The following FGD4 variants were observed in gnomAD, a reference collection of about 807,000 sequenced individuals.
The protein encoded by FGD4 is FYVE, RhoGEF and PH domain-containing protein 4.
A neutral mutation model predicts 102.0 loss-of-function variants in FGD4; 42 were observed. That is an observed-to-expected ratio of 0.41 (90% CI 0.32 to 0.53). The LOEUF is 0.53. Ranked by LOEUF, FGD4 falls within the 20% of genes least tolerant of loss-of-function variation. The pLI is 0.21. For missense variants in FGD4, 902 were observed against 1,078.2 expected, an observed-to-expected ratio of 0.84 and a Z score of 2.29; for synonymous variants, 380 against 375.7, an observed-to-expected ratio of 1.01 and a Z score of -0.13.
chr12:32,496,221 A>AT (rs1253845591), intron 1 of FGD4, among the ~76,000 whole-genome samples: 1 of 152,168 alleles, frequency 6.6e-6, no homozygotes, highest in Non-Finnish European at 1.5e-5. Context: ...CCTTTAGGAT[A>AT]TTTTTTGAGC....
intron 5 of FGD4, among the ~76,000 whole-genome samples, 192 bp downstream of exon 5, chr12:32,598,778 G>A (rs1183228422): frequency 2.0e-5 from 3 of 152,216 alleles, no homozygotes; most frequent in African/African-American, 7.2e-5. Context: ...TTTCTAATTT[G>A]TAAAGAGTAG....
At chr12:32,528,249 T>C (rs1029572265) in intron 1 of FGD4, among the ~76,000 whole-genome samples, 1 of 152,196 alleles carries the variant, frequency 6.6e-6, no homozygotes, top group African/African-American at 2.4e-5. Flanking sequence ...TAAAGTTTCT[T>C]CTTAACAGTA....
chr12:32,563,773 C>T (rs1005722014), intron 1 of FGD4, among the ~76,000 whole-genome samples: 23 of 152,294 alleles, frequency 1.5e-4, no homozygotes, highest in Non-Finnish European at 2.8e-4. Flanking sequence ...CCGAGGCTGG[C>T]GGATCACTCG....
chr12:32,534,460 T>C (rs945208288), intron 1 of FGD4: 52 of 1,524,750 alleles, frequency 3.4e-5, no homozygotes, highest in Non-Finnish European at 4.6e-5. Context: ...CAGAGTAGAT[T>C]AATTATCAGT....
chr12:32,623,150 A>G (rs1949946431), intron 11 of FGD4, among the ~76,000 whole-genome samples: 1 of 152,278 alleles, frequency 6.6e-6, no homozygotes, highest in South Asian at 2.1e-4. Context: ...ACAGAATACT[A>G]TTATGGTTGT....
intron 7 of FGD4, among the ~76,000 whole-genome samples, chr12:32,603,999 C>T (rs781402193): frequency 7.9e-5 from 12 of 152,158 alleles, no homozygotes; most frequent in Non-Finnish European, 1.3e-4. Flanking sequence ...ATATGGAGAT[C>T]CCCCCCAGCA....
intron 1 of FGD4, among the ~76,000 whole-genome samples, chr12:32,417,416 C>T (rs1813475150): frequency 6.6e-6 from 1 of 151,934 alleles, no homozygotes; most frequent in Admixed American, 6.6e-5. Context: ...GTAAGGTTTC[C>T]ACTGAAAAGT....
intron 1 of FGD4, among the ~76,000 whole-genome samples, chr12:32,420,874 A>G (rs1233527162): frequency 6.6e-6 from 1 of 152,164 alleles, no homozygotes; most frequent in Non-Finnish European, 1.5e-5. Context: ...TTTTGGTTCA[A>G]TGTAATAATT....
At chr12:32,454,220 A>G (rs1206695183) in intron 1 of FGD4, among the ~76,000 whole-genome samples, 1 of 152,198 alleles carries the variant, frequency 6.6e-6, no homozygotes, top group Non-Finnish European at 1.5e-5. Context: ...TAACATTCAC[A>G]CTGGATGAGT....
chr12:32,487,285 A>G (rs2136563037), intron 1 of FGD4, among the ~76,000 whole-genome samples: 1 of 152,340 alleles, frequency 6.6e-6, no homozygotes, highest in East Asian at 1.9e-4. Flanking sequence ...TGTAAGCACA[A>G]ACATTGAATT....
At chr12:32,545,371 A>G (rs1427654616) in intron 1 of FGD4, among the ~76,000 whole-genome samples, 1 of 152,222 alleles carries the variant, frequency 6.6e-6, no homozygotes, top group Non-Finnish European at 1.5e-5. Flanking sequence ...TGGGGACACA[A>G]CCAAAACTGG....
At chr12:32,618,700 G>A (rs1056462619) in intron 10 of FGD4, among the ~76,000 whole-genome samples, 3 of 152,080 alleles carry the variant, frequency 2.0e-5, no homozygotes, top group Non-Finnish European at 4.4e-5. Flanking sequence ...GCCGGGCATG[G>A]TGGTTCACGC....
intron 1 of FGD4, among the ~76,000 whole-genome samples, chr12:32,487,087 T>G (rs1295589809): frequency 6.6e-5 from 10 of 152,248 alleles, no homozygotes; most frequent in Non-Finnish European, 1.5e-5. Context: ...ACTATTCTGT[T>G]ACAGGTACCT....
chr12:32,591,614 C>G (rs569778894), intron 4 of FGD4, among the ~76,000 whole-genome samples: 1 of 152,304 alleles, frequency 6.6e-6, no homozygotes, highest in African/African-American at 2.4e-5. Context: ...TGATGCCACC[C>G]AAGTGTTTCT....
chr12:32,608,054 G>C lies in FGD4; in HGVS notation c.1502G>C (p.Arg501Thr), dbSNP rs755934741. 48 of 1,614,054 alleles carry C rather than the reference G, an allele frequency of 3.0e-5. No homozygotes were observed. Among genetic ancestry groups the C allele is most frequent in the Non-Finnish European group, 4.0e-5 (47 of 1,180,036 alleles). ...RYEMLLKDYL[R>T]KLPPDSLDWN... is the part of the protein sequence containing the mutation. Reference sequence around the variant, plus strand: ...GAGATGCTCCTTAAGGACTATCTAAGGAAATTGCCTCCTGATTCCCTGGAC... The same window carrying C: ...GAGATGCTCCTTAAGGACTATCTAACGAAATTGCCTCCTGATTCCCTGGAC... The change falls in exon 8 of 17, where the codon AGG (arginine) becomes ACG (threonine). Residue 501 changes from arginine (R) to threonine (T), a missense_variant. This residue lies in a region of FGD4 where 459 missense variants were observed against 619.0 expected (regional missense o/e 0.74). Coordinates refer to ENST00000534526, the MANE Select transcript of FGD4 (RefSeq NM_001370298.3).
At chr12:32,627,665 C>A (rs4931646) in intron 14 of FGD4, among the ~76,000 whole-genome samples, 25,222 of 152,000 alleles carry the variant, frequency 0.17, 2,545 homozygotes, top group African/African-American at 0.28. Flanking sequence ...AAGGGACACT[C>A]GTCAGCTTAA....
intron 14 of FGD4, among the ~76,000 whole-genome samples, chr12:32,632,501 A>G (rs929742865): frequency 2.1e-4 from 32 of 152,110 alleles, no homozygotes; most frequent in African/African-American, 7.5e-4. Context: ...GGAGAGAGGC[A>G]GGGAGCATGG....
intron 1 of FGD4, among the ~76,000 whole-genome samples, chr12:32,408,469 AT>A (rs1266355231): frequency 3.9e-5 from 6 of 151,960 alleles, no homozygotes; most frequent in African/African-American, 1.4e-4. Flanking sequence ...GCCTAGCCTA[AT>A]TTTTGTATTT....
intron 15 of FGD4, chr12:32,637,716 C>T (rs1053505466): frequency 2.6e-5 from 4 of 152,308 alleles, no homozygotes; most frequent in African/African-American, 9.6e-5. Context: ...GCACATCTTA[C>T]ATGGTGGCAA....
Sources: gnomAD v4.1 joint callset for allele counts (sites outside exome capture counted in the v4.1 genomes callset) on GRCh38, gnomAD v4.1.1 for gene constraint, gnomAD v4.1.1 regional missense constraint, MANE v1.5 for transcripts, NCBI Gene and HGNC (gene_info 2026-07-23, HGNC 2026-07-21) for gene names.